Variants in FREM1 observed in about 807,000 individuals in gnomAD.
FREM1 encodes FRAS1-related extracellular matrix protein 1.
FREM1 carries 220 observed loss-of-function variants against 210.1 expected under a neutral mutation model. The ratio of observed to expected loss-of-function variants is 1.05; its 90% CI spans 0.94 to 1.17. The LOEUF (loss-of-function observed/expected upper bound fraction) is 1.17. FREM1 is among the 50% of genes most tolerant of loss of function. The pLI is 0.00. For missense variants in FREM1, 3,454 were observed against 2,675.5 expected (o/e 1.29, Z -6.42); for synonymous variants, 1,189 against 980.2 (o/e 1.21, Z -3.98).
At chr9:14,879,352 C>A (rs1409291947) in intron 1 of FREM1, among the ~76,000 whole-genome samples, 1 of 152,076 alleles carries the variant, frequency 6.6e-6, no homozygotes, top group African/African-American at 2.4e-5. Context: ...AAATGCCACA[C>A]CATGAGACTT....
intron 14 of FREM1, among the ~76,000 whole-genome samples, chr9:14,817,408 C>T (rs1353953426): frequency 1.3e-5 from 2 of 152,120 alleles, no homozygotes; most frequent in African/African-American, 2.4e-5. Flanking sequence ...AGCTATCTTC[C>T]TCTCAATCTA....
rs1588640331 is a variant in FREM1, at chr9:14,895,436, T to C, written c.-268+14478A>G. On this transcript the variant is annotated intron_variant, in intron 1 of 36. Coordinates refer to ENST00000380880, the MANE Select transcript of FREM1 (RefSeq NM_001379081.2). ...CTGCTTATTCCTGTGAACCAACCAGTGATCTTTGGCTGCTGCTCAGAAGAA... is the reference window on the plus strand; with the variant it reads ...CTGCTTATTCCTGTGAACCAACCAGCGATCTTTGGCTGCTGCTCAGAAGAA... Among the ~76,000 whole-genome samples the C allele has an allele frequency of 2.0e-5, 3 of 152,264 alleles. No homozygotes were observed. The East Asian group carries it at 5.8e-4, about 29-fold the overall frequency.
At chr9:14,873,820 C>T (rs1018515318) in intron 1 of FREM1, among the ~76,000 whole-genome samples, 10 of 151,860 alleles carry the variant, frequency 6.6e-5, no homozygotes, top group African/African-American at 2.2e-4. Context: ...TATAAATTTC[C>T]CTGTACACAC....
intron 1 of FREM1, among the ~76,000 whole-genome samples, chr9:14,903,583 C>T (rs1012331569): frequency 1.3e-5 from 2 of 152,172 alleles, no homozygotes; most frequent in Non-Finnish European, 2.9e-5. Context: ...GAAAGACTTC[C>T]TTCCTCCGAT....
At chr9:14,854,098 G>A (rs372471833) in intron 5 of FREM1, among the ~76,000 whole-genome samples, 1 of 152,072 alleles carries the variant, frequency 6.6e-6, no homozygotes, top group South Asian at 2.1e-4. Flanking sequence ...AGCCAAGAGA[G>A]CTCACTTCAT....
rs113568536 is a variant in FREM1, at chr9:14,853,041, C to T, written c.829-1434G>A. On this transcript the variant is annotated intron_variant, in intron 5 of 36. Transcript: ENST00000380880. ...ATTAGGAGAGAGGAGTGCTTTGCTG[C>T]GTTGTGTTCAGTCACTTTCCTGACC... Among the ~76,000 whole-genome samples the T allele has an allele frequency of 3.2e-3, 485 of 152,276 alleles. 2 individuals are homozygous for T. The highest frequency in any genetic ancestry group is 5.5e-3 in the Non-Finnish European group (373 of 68,022).
intron 36 of FREM1, among the ~76,000 whole-genome samples, chr9:14,738,300 A>G (rs972448145): frequency 6.6e-6 from 1 of 152,234 alleles, no homozygotes; most frequent in Admixed American, 6.5e-5. Context: ...ACTCCCTGCC[A>G]TAGCATGATC....
intron 36 of FREM1, among the ~76,000 whole-genome samples, chr9:14,739,463 T>TATATATATATATATATATAATTG (rs58425457): frequency 7.2e-6 from 1 of 138,326 alleles, no homozygotes; most frequent in Non-Finnish European, 1.6e-5. Flanking sequence ...TATATATATA[T>TATATATATATATATATATAATTG]ATATATATAT....
chr9:14,744,515 C>G (rs975415297), intron 35 of FREM1, among the ~76,000 whole-genome samples: 1 of 151,902 alleles, frequency 6.6e-6, no homozygotes, highest in Non-Finnish European at 1.5e-5. Flanking sequence ...TGTAGGGCTG[C>G]TTTCTCTCTA....
chr9:14,858,463 G>A (rs114470804), intron 4 of FREM1, among the ~76,000 whole-genome samples: 1,513 of 150,250 alleles, frequency 0.01, 32 homozygotes, highest in African/African-American at 0.035. Context: ...GCCTCCCAAA[G>A]TGCTGGGATT....
chr9:14,771,298 G>C (rs1847526596), intron 25 of FREM1, among the ~76,000 whole-genome samples: 2 of 152,086 alleles, frequency 1.3e-5, no homozygotes, highest in South Asian at 4.1e-4. Context: ...CAAATATATA[G>C]AAATTTTTTT....
At chr9:14,753,729 G>A (rs1843781035) in intron 29 of FREM1, among the ~76,000 whole-genome samples, 1 of 152,142 alleles carries the variant, frequency 6.6e-6, no homozygotes, top group Non-Finnish European at 1.5e-5. Context: ...GAAGAGGCAA[G>A]GATTAACAAG....
chr9:14,851,563 C>T lies in FREM1; in HGVS notation c.873G>A (p.Pro291=), dbSNP rs772721697. ...WLPVYIRAGI[P]NQIPKAAFMA... Reference sequence around the variant, plus strand: ...TGAATGCAGCCTTTGGAATCTGATTCGGAATTCCAGCTCTGATATAGACAG... The same window carrying T: ...TGAATGCAGCCTTTGGAATCTGATTTGGAATTCCAGCTCTGATATAGACAG... Residue 291 remains proline, a synonymous_variant, in exon 6 of 37, where the codon CCG becomes CCA. Coordinates refer to ENST00000380880, the MANE Select transcript of FREM1 (RefSeq NM_001379081.2). The T allele has an allele frequency of 3.3e-5, 54 of 1,613,796 alleles. No individual in the cohort carries two copies. The highest frequency in any genetic ancestry group is 1.3e-4 in the South Asian group (12 of 91,066).
chr9:14,860,970 T>G (rs1181977014), intron 3 of FREM1, among the ~76,000 whole-genome samples: 2 of 100,094 alleles, frequency 2.0e-5, no homozygotes, highest in African/African-American at 3.7e-5. Flanking sequence ...TATACACATA[T>G]ATACATATAT....
intron 1 of FREM1, among the ~76,000 whole-genome samples, chr9:14,884,996 C>T (rs1835529596): frequency 8.1e-6 from 1 of 122,770 alleles, no homozygotes; most frequent in Non-Finnish European, 1.5e-5. Context: ...GCGATCTCGG[C>T]TCACTGCAAG....
chr9:14,828,811 T>G (rs768714850), intron 10 of FREM1, among the ~76,000 whole-genome samples: 101 of 152,314 alleles, frequency 6.6e-4, no homozygotes, highest in Middle Eastern at 3.4e-3. Context: ...ATTGTTAGTT[T>G]ACAAATGAGT....
At chr9:14,885,315 C>A (rs901446937) in intron 1 of FREM1, among the ~76,000 whole-genome samples, 13 of 152,004 alleles carry the variant, frequency 8.6e-5, no homozygotes, top group African/African-American at 2.4e-4. Flanking sequence ...TTTGTCTTCC[C>A]CAGGCTTGCA....
At chr9:14,744,657 A>G (rs1323469548) in intron 35 of FREM1, among the ~76,000 whole-genome samples, 1 of 152,182 alleles carries the variant, frequency 6.6e-6, no homozygotes, top group Non-Finnish European at 1.5e-5. Context: ...ATCAATAACA[A>G]AAAACAAATG....
At chr9:14,867,457 G>A (rs1334511500) in intron 2 of FREM1, among the ~76,000 whole-genome samples, 2 of 152,094 alleles carry the variant, frequency 1.3e-5, no homozygotes, top group Admixed American at 6.5e-5. Flanking sequence ...CTCTTTGACT[G>A]ACGATAAAAT....
Sources: gnomAD v4.1 joint callset for allele counts (sites outside exome capture counted in the v4.1 genomes callset) on GRCh38, gnomAD v4.1.1 for gene constraint, MANE v1.5 for transcripts, NCBI Gene and HGNC (gene_info 2026-07-23, HGNC 2026-07-21) for gene names.